Variants in ST6GALNAC5 observed in about 807,000 individuals in gnomAD.
ST6GALNAC5 encodes alpha-N-acetylgalactosaminide alpha-2,6-sialyltransferase 5.
ST6GALNAC5 carries 27 observed loss-of-function variants against 33.6 expected under a neutral mutation model. The ratio of observed to expected loss-of-function variants is 0.80; its 90% CI spans 0.59 to 1.11. The LOEUF is 1.11. ST6GALNAC5 is among the 50% of genes least tolerant of loss of function. The pLI is 0.00. For missense variants in ST6GALNAC5, 428 were observed against 454.0 expected, an observed-to-expected ratio of 0.94 and a Z score of 0.52; for synonymous variants, 194 against 171.2, an observed-to-expected ratio of 1.13 and a Z score of -1.04.
chr1:76,886,025 T>C (rs1653885102), intron 2 of ST6GALNAC5, among the ~76,000 whole-genome samples: 2 of 152,242 alleles, frequency 1.3e-5, no homozygotes, highest in African/African-American at 4.8e-5. Flanking sequence ...TTTGTACATA[T>C]GCAGCCTCAC....
At chr1:76,957,069 A>G (rs1648030023) in intron 2 of ST6GALNAC5, among the ~76,000 whole-genome samples, 1 of 152,208 alleles carries the variant, frequency 6.6e-6, no homozygotes, top group African/African-American at 2.4e-5. Flanking sequence ...TTTTAACTGA[A>G]GACTTTTTAC....
chr1:76,968,550 C>T (rs1102457), intron 2 of ST6GALNAC5, among the ~76,000 whole-genome samples: 85,416 of 151,974 alleles, frequency 0.56, 25,603 homozygotes, highest in African/African-American at 0.78. Context: ...CCAGTCTGTG[C>T]CTTTTAATTG....
chr1:76,975,951 C>T (rs997126852), intron 2 of ST6GALNAC5, among the ~76,000 whole-genome samples: 4 of 151,906 alleles, frequency 2.6e-5, no homozygotes, highest in Non-Finnish European at 4.4e-5. Context: ...AAAACTTAGC[C>T]GGGCTTGGTG....
chr1:77,012,866 A>G (rs1469428959), intron 2 of ST6GALNAC5, among the ~76,000 whole-genome samples: 8 of 152,218 alleles, frequency 5.3e-5, no homozygotes, highest in Non-Finnish European at 1.2e-4. Flanking sequence ...GTGGAGACAG[A>G]CAGCAAAACC....
chr1:76,919,889 TAC>T (rs200021350), intron 2 of ST6GALNAC5, among the ~76,000 whole-genome samples: 2,040 of 152,260 alleles, frequency 0.013, 48 homozygotes, highest in African/African-American at 0.046. Flanking sequence ...TTTAGCCTTG[TAC>T]AAGAAATAAT....
intron 2 of ST6GALNAC5, among the ~76,000 whole-genome samples, chr1:76,995,893 A>G (rs1246459357): frequency 6.6e-6 from 1 of 152,200 alleles, no homozygotes; most frequent in Non-Finnish European, 1.5e-5. Context: ...CACGACTAGC[A>G]TGGAGCCGAA....
chr1:76,899,595 G>C (rs1198891193), intron 2 of ST6GALNAC5, among the ~76,000 whole-genome samples: 1 of 152,188 alleles, frequency 6.6e-6, no homozygotes, highest in African/African-American at 2.4e-5. Context: ...TGAATAATCA[G>C]AGAGGCATCC....
rs140838143 is a variant in ST6GALNAC5, at chr1:76,983,869, A to G, written c.262-60335A>G. On this transcript the variant is annotated intron_variant, in intron 2 of 4. Coordinates refer to ENST00000477717, the MANE Select transcript of ST6GALNAC5 (RefSeq NM_030965.3). The stretch of plus-strand genomic sequence containing the variant: ...AGGATTAAGAAACTCACTCAAAACC[A>G]CACAACTACATGGAAACTGAACAAC... Among the ~76,000 whole-genome samples the G allele has an allele frequency of 3.4e-3, 519 of 152,298 alleles. 2 individuals are homozygous for G. The highest frequency in any genetic ancestry group is 3.6e-3 in the Non-Finnish European group (248 of 68,014).
chr1:77,033,455 G>C (rs1651535832), intron 2 of ST6GALNAC5, among the ~76,000 whole-genome samples: 1 of 152,196 alleles, frequency 6.6e-6, no homozygotes. Context: ...GTGGTGAACT[G>C]TACCTCAACT....
intron 4 of ST6GALNAC5, among the ~76,000 whole-genome samples, chr1:77,058,179 A>C (rs575011815): frequency 6.6e-6 from 1 of 152,382 alleles, no homozygotes; most frequent in East Asian, 1.9e-4. Flanking sequence ...AACTGGAGTC[A>C]ACTGGCTTTG....
chr1:76,911,078 T>C (rs1192299309), intron 2 of ST6GALNAC5, among the ~76,000 whole-genome samples: 2 of 152,116 alleles, frequency 1.3e-5, no homozygotes, highest in Non-Finnish European at 2.9e-5. Flanking sequence ...AACTTCAGGC[T>C]GATACTGCTA....
rs537904374 is a variant in ST6GALNAC5, at chr1:77,027,415, G to C, written c.262-16789G>C. Among the ~76,000 whole-genome samples the C allele has an allele frequency of 2.6e-5, 4 of 152,262 alleles. No individual in the cohort carries two copies. The East Asian group carries it at 7.7e-4, about 29-fold the overall frequency. On this transcript the variant is annotated intron_variant, in intron 2 of 4. Coordinates refer to ENST00000477717, the MANE Select transcript of ST6GALNAC5 (RefSeq NM_030965.3). ...GCGTTTACTGTGTGTGTTGAAAACTGTGCCAAGCTCTGTAAATAAGACAAC... is the reference window on the plus strand; with the variant it reads ...GCGTTTACTGTGTGTGTTGAAAACTCTGCCAAGCTCTGTAAATAAGACAAC...
chr1:76,935,667 G>C (rs1252588), intron 2 of ST6GALNAC5, among the ~76,000 whole-genome samples: 2 of 151,676 alleles, frequency 1.3e-5, no homozygotes, highest in Non-Finnish European at 2.9e-5. Flanking sequence ...CCCAGTTTTT[G>C]AATAATTGAA....
intron 2 of ST6GALNAC5, among the ~76,000 whole-genome samples, chr1:76,939,127 T>C (rs976000827): frequency 2.6e-5 from 4 of 152,060 alleles, no homozygotes; most frequent in Admixed American, 2.6e-4. Flanking sequence ...TCAGGGACAC[T>C]GTCAACTCTA....
intron 2 of ST6GALNAC5, among the ~76,000 whole-genome samples, chr1:76,891,124 A>G (rs763735241): frequency 1.3e-5 from 2 of 152,182 alleles, no homozygotes; most frequent in Admixed American, 1.3e-4. Flanking sequence ...GCTGTATCAT[A>G]TGGTAACCTG....
In ST6GALNAC5 at chr1:77,026,365, C is replaced by T. The variant is rs541532810; in HGVS notation, c.262-17839C>T. 1.8e-4 allele frequency among the ~76,000 whole-genome samples: 28 copies of T among 152,324 alleles called. 1 individual carries two copies. The highest frequency in any genetic ancestry group is 3.4e-3 in the Middle Eastern group (1 of 294). On this transcript the variant is annotated intron_variant, in intron 2 of 4. Coordinates refer to ENST00000477717, the MANE Select transcript of ST6GALNAC5 (RefSeq NM_030965.3). ...GCTGTCTCCATATAAGGGCACAGCA[C>T]GGCCAATTGCATTTAAAATTGCCTT... is the stretch of plus-strand genomic sequence containing the variant.
intron 2 of ST6GALNAC5, among the ~76,000 whole-genome samples, chr1:76,912,441 C>T (rs1464210042): frequency 6.6e-6 from 1 of 152,034 alleles, no homozygotes; most frequent in Non-Finnish European, 1.5e-5. Context: ...TCTATTAGGT[C>T]TGCTTGGTGC....
At chr1:76,889,436 T>C (rs907728817) in intron 2 of ST6GALNAC5, among the ~76,000 whole-genome samples, 1 of 152,088 alleles carries the variant, frequency 6.6e-6, no homozygotes, top group Non-Finnish European at 1.5e-5. Flanking sequence ...TTTTAAAAGG[T>C]CCATTGAAGA....
At chr1:76,869,088 T>A in intron 2 of ST6GALNAC5, 3 of 238,834 alleles carry the variant, frequency 1.3e-5, no homozygotes, top group East Asian at 1.1e-4. Context: ...AGTCGCTGCC[T>A]GGTGGGAGGA....
Sources: gnomAD v4.1 joint callset for allele counts (sites outside exome capture counted in the v4.1 genomes callset) on GRCh38, gnomAD v4.1.1 for gene constraint, MANE v1.5 for transcripts, NCBI Gene and HGNC (gene_info 2026-07-23, HGNC 2026-07-21) for gene names.